Variants in CDYL observed in about 807,000 individuals in gnomAD.
CDYL encodes chromodomain Y-like protein.
In CDYL, 8 loss-of-function variants were observed where a neutral mutation model predicts 47.3. The observed-to-expected ratio is 0.17, with a 90% confidence interval of 0.10 to 0.31. The LOEUF (loss-of-function observed/expected upper bound fraction) is 0.31, where lower values mean the gene tolerates loss of function less well. Ranked by LOEUF, CDYL falls within the 10% of genes least tolerant of loss-of-function variation. The pLI, the probability that CDYL is intolerant of heterozygous loss-of-function variation, is 1.00. For missense variants in CDYL, 471 were observed against 701.4 expected, an observed-to-expected ratio of 0.67 and a Z score of 3.71; for synonymous variants, 266 against 265.0, an observed-to-expected ratio of 1.00 and a Z score of -0.04.
chr6:4,916,647 C>G (rs1299417189), intron 2 of CDYL, among the ~76,000 whole-genome samples: 1 of 152,332 alleles, frequency 6.6e-6, no homozygotes, highest in East Asian at 1.9e-4. Flanking sequence ...CCTGCCTCCC[C>G]CTCTTTCAGT....
At chr6:4,834,834 T>A (rs1760249445) in intron 1 of CDYL, among the ~76,000 whole-genome samples, 1 of 152,180 alleles carries the variant, frequency 6.6e-6, no homozygotes, top group Non-Finnish European at 1.5e-5. Context: ...TCATCTTCCA[T>A]CGCTGATACC....
intron 4 of CDYL, among the ~76,000 whole-genome samples, chr6:4,939,435 T>C (rs1758298219): frequency 6.6e-6 from 1 of 152,242 alleles, no homozygotes; most frequent in African/African-American, 2.4e-5. Flanking sequence ...CCTTAGCCTC[T>C]CATGACATAT....
intron 1 of CDYL, among the ~76,000 whole-genome samples, chr6:4,849,387 C>T (rs1581210257): frequency 1.3e-5 from 2 of 152,296 alleles, no homozygotes; most frequent in Admixed American, 1.3e-4. Context: ...TAATGATTAT[C>T]TGACAAATGC....
chr6:4,816,844 G>A (rs193226479), intron 1 of CDYL, among the ~76,000 whole-genome samples: 1 of 152,162 alleles, frequency 6.6e-6, no homozygotes, highest in African/African-American at 2.4e-5. Context: ...ACTGTAGTGG[G>A]GAAATGATAA....
intron 1 of CDYL, among the ~76,000 whole-genome samples, chr6:4,821,753 C>A (rs536232484): frequency 6.6e-6 from 1 of 151,108 alleles, no homozygotes; most frequent in Non-Finnish European, 1.5e-5. Flanking sequence ...AAAAAAAAAG[C>A]GATCCTTGGG....
chr6:4,815,673 CTTTTTTT>C (rs35346944), intron 1 of CDYL, among the ~76,000 whole-genome samples: 30 of 113,658 alleles, frequency 2.6e-4, no homozygotes, highest in African/African-American at 8.6e-4. Context: ...TGAGATTTCA[CTTTTTTT>C]TTTTTTTTTT....
intron 1 of CDYL, among the ~76,000 whole-genome samples, chr6:4,789,043 C>G (rs62386571): frequency 0.081 from 12,321 of 152,112 alleles, 569 homozygotes; most frequent in South Asian, 0.13. Context: ...CCAAGCCATA[C>G]TGCTTCATGC....
chr6:4,787,719 A>G (rs1275446942), intron 1 of CDYL, among the ~76,000 whole-genome samples: 1 of 151,556 alleles, frequency 6.6e-6, no homozygotes, highest in African/African-American at 2.4e-5. Flanking sequence ...AAGGAGACCA[A>G]AGACATGCAG....
intron 1 of CDYL, among the ~76,000 whole-genome samples, chr6:4,863,280 C>T (rs760411385): frequency 2.6e-5 from 4 of 152,096 alleles, no homozygotes; most frequent in Admixed American, 6.6e-5. Context: ...AATGGGTTCA[C>T]GAGAAGCCCA....
rs1421414561 is a variant in CDYL at position 4,718,419 on chromosome 6, CAG to C, written c.103+2539_103+2540del. The C allele has an allele frequency of 2.6e-5, 4 of 152,176 alleles. No individual in the cohort carries two copies. The East Asian group carries it at 7.7e-4, about 29-fold the overall frequency. 9.4% of individuals were successfully genotyped at this position (152,176 alleles called of 1,614,324 possible). On this transcript the variant is annotated intron_variant, in intron 2 of 8. Coordinates refer to the CDYL transcript ENST00000328908. ...TCAGCCTCCCAAGTAGCTGGGATTA[CAG>C]CGTGTGCCATGACGCCCAGCTGATT...
intron 5 of CDYL, among the ~76,000 whole-genome samples, chr6:4,950,840 G>A (rs1758678613): frequency 6.6e-6 from 1 of 151,488 alleles, no homozygotes; most frequent in Non-Finnish European, 1.5e-5. Context: ...GCTGAGGCAG[G>A]AGAATGGTGT....
chr6:4,898,208 C>T (rs1762343283), intron 2 of CDYL, among the ~76,000 whole-genome samples: 2 of 124,582 alleles, frequency 1.6e-5, no homozygotes, highest in Admixed American at 1.8e-4. Context: ...TTCCACAGAG[C>T]AAGACCCTGT....
chr6:4,946,530 C>G (rs1758521396), intron 5 of CDYL, among the ~76,000 whole-genome samples: 1 of 152,182 alleles, frequency 6.6e-6, no homozygotes, highest in African/African-American at 2.4e-5. Context: ...GGGAGTCCCC[C>G]CATGGCTGTA....
At chr6:4,714,031 T>G (rs150560396) in intron 1 of CDYL, 3 of 152,210 alleles carry the variant, frequency 2.0e-5, no homozygotes, top group Non-Finnish European at 2.9e-5. Flanking sequence ...TTTGTAGATG[T>G]GATATCATCT....
intron 1 of CDYL, among the ~76,000 whole-genome samples, chr6:4,851,320 A>G (rs1341470317): frequency 1.3e-5 from 2 of 152,174 alleles, no homozygotes; most frequent in Non-Finnish European, 2.9e-5. Context: ...ATGTAGATAT[A>G]CTAGGTACTT....
intron 2 of CDYL, among the ~76,000 whole-genome samples, chr6:4,898,893 A>G (rs1762362205): frequency 6.6e-6 from 1 of 152,228 alleles, no homozygotes; most frequent in Admixed American, 6.5e-5. Context: ...TGCGTTTGCC[A>G]CTTGGAAGAG....
chr6:4,873,204 C>T (rs1161928048), intron 1 of CDYL, among the ~76,000 whole-genome samples: 2 of 152,136 alleles, frequency 1.3e-5, no homozygotes, highest in African/African-American at 2.4e-5. Flanking sequence ...TAGGACTTGT[C>T]GGTATCATTT....
chr6:4,918,724 TTTTAAC>T (rs142334801), intron 2 of CDYL, among the ~76,000 whole-genome samples: 163 of 152,330 alleles, frequency 1.1e-3, no homozygotes, highest in African/African-American at 3.8e-3. Flanking sequence ...TCCTCAGTGT[TTTTAAC>T]TTTGATTCTA....
intron 1 of CDYL, among the ~76,000 whole-genome samples, chr6:4,879,686 G>T (rs183915504): frequency 7.9e-5 from 12 of 151,060 alleles, no homozygotes; most frequent in Non-Finnish European, 1.6e-4. Context: ...AGCCTCCCAG[G>T]TAGCTGGGAT....
Sources: allele counts gnomAD v4.1 joint callset (sites outside exome capture counted in the v4.1 genomes callset), GRCh38; gene constraint gnomAD v4.1.1; transcripts MANE v1.5; gene names NCBI Gene and HGNC (gene_info 2026-07-23, HGNC 2026-07-21).